The following CLPTM1 variants were observed in gnomAD, a reference collection of about 807,000 sequenced individuals.
CLPTM1 encodes the protein CLPTM1 regulator of GABA type A receptor forward trafficking.
In CLPTM1, 21 loss-of-function variants were observed where a neutral mutation model predicts 77.3. The observed-to-expected ratio is 0.27, with a 90% CI of 0.19 to 0.39. The LOEUF (loss-of-function observed/expected upper bound fraction) is 0.39, where lower values mean the gene tolerates loss of function less well. Ranked by LOEUF, CLPTM1 falls within the 10% of genes least tolerant of loss-of-function variation. CLPTM1 has a pLI of 1.00. For missense variants in CLPTM1, 642 were observed against 921.2 expected (o/e 0.70, Z 3.92); for synonymous variants, 373 against 381.0 (o/e 0.98, Z 0.24).
Position 44,991,380 on chromosome 19 carries a change from G to C in CLPTM1, c.1555+7G>C, listed in dbSNP as rs753136740. The C allele has an allele frequency of 2.5e-6, 4 of 1,610,130 alleles. No individual in the cohort carries two copies. The Admixed American group carries it at 6.7e-5, about 27-fold the overall frequency. ...GGCTTCCTGCTGACCTTCGGTGAGC[G>C]GTCCGGCCGCCCCAGGAGAGAGCAG... is the stretch of plus-strand genomic sequence containing the variant. On this transcript the variant is annotated splice_region_variant and intron_variant, in intron 12 of 13. Transcript: ENST00000337392. The surrounding 1 kb of genome is among the most constrained non-coding windows in gnomAD (Gnocchi z 5.4).
At chr19:44,981,809 C>G (rs1403324874) in intron 5 of CLPTM1, among the ~76,000 whole-genome samples, 3 of 150,928 alleles carry the variant, frequency 2.0e-5, no homozygotes, top group Non-Finnish European at 4.4e-5. Flanking sequence ...TACTCGGGAG[C>G]CTGAGGTAGG....
intron 2 of CLPTM1, among the ~76,000 whole-genome samples, chr19:44,968,742 A>T (rs1048448989): frequency 1.3e-5 from 2 of 152,174 alleles, no homozygotes; most frequent in Non-Finnish European, 2.9e-5. Flanking sequence ...ACAGCCACAC[A>T]CTAAGCCAGG....
intron 2 of CLPTM1, among the ~76,000 whole-genome samples, chr19:44,962,459 G>T (rs1276003630): frequency 6.6e-6 from 1 of 152,142 alleles, no homozygotes; most frequent in Non-Finnish European, 1.5e-5. Flanking sequence ...CCAGCTGTGG[G>T]CAGGGGCAGT....
intron 5 of CLPTM1, among the ~76,000 whole-genome samples, chr19:44,983,358 C>T (rs957016898): frequency 2.6e-5 from 4 of 152,046 alleles, no homozygotes; most frequent in African/African-American, 9.7e-5. Context: ...CAGTGGCTCA[C>T]GCCTGTCATC....
At chr19:44,967,570 T>C (rs548701875) in intron 2 of CLPTM1, among the ~76,000 whole-genome samples, 1 of 151,602 alleles carries the variant, frequency 6.6e-6, no homozygotes, top group Non-Finnish European at 1.5e-5. Context: ...GGCAGGAGAA[T>C]CGCTTGAACC....
intron 5 of CLPTM1, among the ~76,000 whole-genome samples, chr19:44,979,956 C>T (rs1970868703): frequency 6.6e-6 from 1 of 152,194 alleles, no homozygotes; most frequent in Non-Finnish European, 1.5e-5. Flanking sequence ...CTAATCATCC[C>T]GTTGACCCAA....
At chr19:44,983,624 AAAAAAAAAAAAAAAAAAAAAAG>A (rs1970932420) in intron 5 of CLPTM1, among the ~76,000 whole-genome samples, 1 of 146,348 alleles carries the variant, frequency 6.8e-6, no homozygotes, top group Non-Finnish European at 1.5e-5. Flanking sequence ...TCTCAAAAAA[AAAAAAAAAAAAAAAAAAAAAAG>A]AAAAGAAAAA....
chr19:44,987,113 C>T, intron 7 of CLPTM1, 66 bp from the exon 8 acceptor site: 1 of 1,557,836 alleles, frequency 6.4e-7, no homozygotes, highest in Non-Finnish European at 8.7e-7. Context: ...CTCCAGACAT[C>T]TGAGGCCTGC....
chr19:44,972,202 C>CTATTGACT (rs1332479610), intron 2 of CLPTM1, among the ~76,000 whole-genome samples: 1 of 151,222 alleles, frequency 6.6e-6, no homozygotes, highest in African/African-American at 2.4e-5. Flanking sequence ...AATTAAATTA[C>CTATTGACT]TATTGACTAG....
intron 2 of CLPTM1, among the ~76,000 whole-genome samples, chr19:44,971,082 C>T (rs537189542): frequency 3.9e-4 from 59 of 151,994 alleles, no homozygotes; most frequent in African/African-American, 1.3e-3. Flanking sequence ...CCACCCACCT[C>T]GGCCTCCCAA....
At position 44,974,669 on chromosome 19, in the gene CLPTM1, C is replaced by T. The variant is rs1215163339; in HGVS notation, c.468+72C>T. 4 of 1,541,042 alleles carry T rather than the reference C, an allele frequency of 2.6e-6. No individual in the cohort carries two copies. In the East Asian group the frequency reaches 9.1e-5, roughly 35 times the overall value. On this transcript the variant is annotated intron_variant, in intron 4 of 13. Transcript: ENST00000337392. ...CTGAAGGACCTTTTCCTCCAGTCCGCTCCTTGCTGAGAGCATGTGGAGTTT... is the reference window on the plus strand; with the variant it reads ...CTGAAGGACCTTTTCCTCCAGTCCGTTCCTTGCTGAGAGCATGTGGAGTTT...
intron 9 of CLPTM1, among the ~76,000 whole-genome samples, chr19:44,989,195 G>C (rs545542122): frequency 5.9e-5 from 9 of 152,338 alleles, no homozygotes; most frequent in African/African-American, 2.2e-4. Flanking sequence ...CCATTATTGA[G>C]AACTACCATC....
Position 44,986,474 on chromosome 19 carries a change from C to T in CLPTM1, c.692C>T (p.Pro231Leu). ...CCTCAGAGGGCTGAGGACTATGGGC[C>T]TGTGGAGGTGATCTCCCATTGGCAC... ...EMIKRAEDYG[P>L]VEVISHWHPN... is the part of the protein sequence containing the mutation. Residue 231 changes from proline (P) to leucine (L), a missense_variant, in exon 7 of 14, where the codon CCT (proline) becomes CTT (leucine). By Grantham distance (98) the Pro-to-Leu change is moderately conservative (BLOSUM62 -3). This residue lies in a region of CLPTM1 where 521 missense variants were observed against 800.4 expected (regional missense o/e 0.65). Coordinates refer to ENST00000337392, the MANE Select transcript of CLPTM1 (RefSeq NM_001294.4). The T allele has an allele frequency of 6.2e-7, 1 of 1,614,076 alleles. No individual in the cohort carries two copies. Among genetic ancestry groups the T allele is most frequent in the Non-Finnish European group, 8.5e-7 (1 of 1,179,978 alleles).
intron 8 of CLPTM1, 141 bp downstream of exon 8, chr19:44,987,564 C>T (rs768579180): frequency 5.1e-6 from 6 of 1,187,612 alleles, no homozygotes; most frequent in South Asian, 1.5e-5. Flanking sequence ...CAGGTCCCTT[C>T]TCCACAGTGA....
chr19:44,954,709 C>G, upstream of CLPTM1: 1 of 1,206,206 alleles, frequency 8.3e-7, no homozygotes, highest in Non-Finnish European at 1.0e-6. Context: ...GAGGTTTGGA[C>G]CACTGAGGGA....
Position 44,992,822 on chromosome 19 carries a change from C to T in CLPTM1, c.1935C>T (p.Pro645=). The T allele has an allele frequency of 1.2e-6, 2 of 1,613,710 alleles. No homozygotes were observed. Among genetic ancestry groups the T allele is most frequent in the Non-Finnish European group, 8.5e-7 (1 of 1,179,886 alleles). The change falls in exon 14 of 14, where the codon CCC becomes CCT. Residue 645 remains proline, a synonymous_variant. Coordinates refer to ENST00000337392, the MANE Select transcript of CLPTM1 (RefSeq NM_001294.4). This position sits in a 1 kb window ranked among gnomAD's most constrained non-coding sequence, Gnocchi z 7.7. The stretch of plus-strand genomic sequence containing the variant: ...CCTCCACGTCCCTGCCCACCAAGCC[C>T]ACCCAGGGGGCCAGCTCTGCCAGCG... ...EEASTSLPTK[P]TQGASSASEP...
chr19:44,963,437 T>C (rs1193835145), intron 2 of CLPTM1, among the ~76,000 whole-genome samples: 2 of 150,292 alleles, frequency 1.3e-5, no homozygotes, highest in East Asian at 4.0e-4. Context: ...GCCATTCTCC[T>C]GCCTCAGCCT....
In CLPTM1 at chr19:44,981,360, C is replaced by T. The variant is rs1322394703; in HGVS notation, c.587-3858C>T. ...TTCTCCATGTTGGTCAGGCTGGTCT[C>T]GAACTCCCGACCTCAGGGGACCCAC... On this transcript the variant is annotated intron_variant, in intron 5 of 13. Transcript: ENST00000337392. Among the ~76,000 whole-genome samples, 3 of 152,194 alleles carry T rather than the reference C, an allele frequency of 2.0e-5. No homozygotes were observed. In the South Asian group the frequency reaches 6.2e-4, roughly 32 times the overall value.
chr19:44,974,411 G>C, intron 3 of CLPTM1, 28 bp from the exon 4 acceptor site: 1 of 1,598,328 alleles, frequency 6.3e-7, no homozygotes, highest in Non-Finnish European at 8.6e-7. Flanking sequence ...GAGCAGGCCT[G>C]AGCTCTGTTC....
Sources: gnomAD v4.1 joint callset for allele counts (sites outside exome capture counted in the v4.1 genomes callset) on GRCh38, gnomAD v4.1.1 for gene constraint, gnomAD v4.1.1 regional missense constraint, Gnocchi (gnomAD v3.1) non-coding constraint, MANE v1.5 for transcripts, NCBI Gene and HGNC (gene_info 2026-07-23, HGNC 2026-07-21) for gene names.